Variants in CPSF4L observed in about 807,000 individuals in gnomAD.
The protein encoded by CPSF4L is putative cleavage and polyadenylation specificity factor subunit 4-like protein.
CPSF4L carries 18 observed loss-of-function variants against 24.0 expected under a neutral mutation model. The ratio of observed to expected loss-of-function variants is 0.75; its 90% CI spans 0.52 to 1.11. The LOEUF (loss-of-function observed/expected upper bound fraction) is 1.11, where lower values mean the gene tolerates loss of function less well. CPSF4L is among the 50% of genes least tolerant of loss of function. CPSF4L has a pLI of 0.00. For missense variants in CPSF4L, 211 were observed against 221.8 expected (o/e 0.95, Z 0.31); for synonymous variants, 72 against 77.2 (o/e 0.93, Z 0.35).
intron 3 of CPSF4L, among the ~76,000 whole-genome samples, chr17:73,257,216 A>G (rs1014069532): frequency 1.3e-5 from 2 of 152,168 alleles, no homozygotes; most frequent in Admixed American, 6.6e-5. Context: ...GAAACAATGC[A>G]AAGTTTCTTC....
At chr17:73,251,240 T>A in intron 5 of CPSF4L, 1 of 1,087,464 alleles carries the variant, frequency 9.2e-7, no homozygotes, top group African/African-American at 1.6e-5. Flanking sequence ...GTTACAGTTT[T>A]AAGTGCCAAA....
chr17:73,246,947 C>T (rs1249096412), downstream of CPSF4L, among the ~76,000 whole-genome samples: 1 of 152,164 alleles, frequency 6.6e-6, no homozygotes, highest in East Asian at 1.9e-4. Flanking sequence ...TGTCCTTACT[C>T]AAGACCAGAA....
chr17:73,255,538 A>G (rs2062021907), intron 3 of CPSF4L, among the ~76,000 whole-genome samples: 1 of 147,880 alleles, frequency 6.8e-6, no homozygotes, highest in Non-Finnish European at 1.5e-5. Flanking sequence ...AAAAAAGGAG[A>G]GTACCCCTGA....
chr17:73,252,836 G>C (rs1377085097), intron 4 of CPSF4L, 113 bp from the exon 5 acceptor site: 1 of 640,176 alleles, frequency 1.6e-6, no homozygotes, highest in Non-Finnish European at 2.7e-6. Context: ...TCACTTAATA[G>C]GGGTGGATAA....
At chr17:73,258,157 C>T (rs1008476308) in intron 2 of CPSF4L, among the ~76,000 whole-genome samples, 1 of 151,982 alleles carries the variant, frequency 6.6e-6, no homozygotes, top group Admixed American at 6.6e-5. Context: ...CTACAGGCGC[C>T]AGCCACCACG....
At chr17:73,253,157 C>G (rs780670411) in intron 4 of CPSF4L, among the ~76,000 whole-genome samples, 3 of 152,048 alleles carry the variant, frequency 2.0e-5, no homozygotes, top group Non-Finnish European at 2.9e-5. Flanking sequence ...CCCAGGAGTT[C>G]GAGACCAGCC....
At chr17:73,245,064 T>TA, downstream of CPSF4L, 1 of 1,120,676 alleles carries the variant, frequency 8.9e-7, no homozygotes, top group Admixed American at 2.2e-5. Context: ...ACTCTATTTC[T>TA]AAACTTATAA....
downstream of CPSF4L, among the ~76,000 whole-genome samples, chr17:73,246,367 C>CAAA (rs375109385): frequency 2.0e-5 from 3 of 149,354 alleles, no homozygotes; most frequent in African/African-American, 7.4e-5. Context: ...TCCATCTCTA[C>CAAA]AAAAAAAAAA....
intron 5 of CPSF4L, among the ~76,000 whole-genome samples, chr17:73,252,120 T>C (rs966366897): frequency 1.3e-5 from 2 of 152,164 alleles, no homozygotes; most frequent in Non-Finnish European, 2.9e-5. Context: ...AATAAAGGGA[T>C]GAGGGATGAC....
At chr17:73,248,732 G>A (rs2061986546) in intron 5 of CPSF4L, 196 bp from the exon 6 acceptor site, 1 of 622,294 alleles carries the variant, frequency 1.6e-6, no homozygotes, top group Non-Finnish European at 2.9e-6. Flanking sequence ...ACTCACACGT[G>A]GTCTGTGTAA....
intron 4 of CPSF4L, 41 bp downstream of exon 4, chr17:73,253,890 T>TC: frequency 7.1e-7 from 1 of 1,409,084 alleles, no homozygotes; most frequent in Non-Finnish European, 9.8e-7. Flanking sequence ...CCCACCCTGA[T>TC]CCCCACAGCC....
At chr17:73,245,268 G>T (rs2061933622), downstream of CPSF4L, 1 of 1,543,226 alleles carries the variant, frequency 6.5e-7, no homozygotes, top group East Asian at 2.3e-5. Context: ...ATACTTAACA[G>T]TTTAAAAATG....
At position 73,257,853 on chromosome 17, in the gene CPSF4L, T is replaced by C; in HGVS notation, c.155-20A>G. On this transcript the variant is annotated intron_variant, in intron 2 of 5. Transcript: ENST00000344935. ...GTTTCCCTGGAGATGCCAGAGCACCTGGCTGGGAGGCCCCTCATCCACAGC... is the reference window on the plus strand; with the variant it reads ...GTTTCCCTGGAGATGCCAGAGCACCCGGCTGGGAGGCCCCTCATCCACAGC... 1 of 1,550,632 alleles carries C rather than the reference T, an allele frequency of 6.4e-7. No homozygotes were observed. The highest frequency in any genetic ancestry group is 8.7e-7 in the Non-Finnish European group (1 of 1,146,702).
chr17:73,247,365 C>T (rs773002426), downstream of CPSF4L: 1 of 1,611,536 alleles, frequency 6.2e-7, no homozygotes, highest in Non-Finnish European at 8.5e-7. Context: ...GTAGGAGAAG[C>T]CTTCGTGACT....
downstream of CPSF4L, among the ~76,000 whole-genome samples, chr17:73,243,548 CTTT>C (rs111267869): frequency 4.4e-5 from 6 of 135,046 alleles, no homozygotes; most frequent in East Asian, 2.2e-4. Context: ...TTCATGTTGT[CTTT>C]TTTTTTTTTT....
Position 73,252,649 on chromosome 17 carries a change from G to GT in CPSF4L, c.477dup (p.Pro160ThrfsTer?), listed in dbSNP as rs2062010107. The GT allele has an allele frequency of 1.2e-5, 18 of 1,551,060 alleles. No homozygotes were observed. Among genetic ancestry groups the GT allele is most frequent in the Non-Finnish European group, 1.4e-5 (16 of 1,146,422 alleles). ...ACTTACTGAGCAAATTGGCACTTGG[G>GT]TCCCTCGGGGCAGAAGCCAACTAAA... On this transcript the variant is annotated frameshift_variant, in exon 5 of 6. Transcript: ENST00000344935. LOFTEE classifies it low-confidence loss of function (END_TRUNC).
chr17:73,248,777 G>A (rs2061987222), intron 5 of CPSF4L: 1 of 456,878 alleles, frequency 2.2e-6, no homozygotes, highest in East Asian at 3.5e-5. Flanking sequence ...GTTTAATCCT[G>A]AATAATATCT....
At chr17:73,250,894 T>C in intron 5 of CPSF4L, 1 of 1,162,272 alleles carries the variant, frequency 8.6e-7, no homozygotes, top group Non-Finnish European at 1.2e-6. Context: ...AAGGAGTCAT[T>C]CTCCAGCTCC....
At chr17:73,257,569 C>T in intron 3 of CPSF4L, 112 bp downstream of exon 3, 1 of 1,135,052 alleles carries the variant, frequency 8.8e-7, no homozygotes, top group Non-Finnish European at 1.3e-6. Context: ...TCTCTGGCCT[C>T]CAGGGACATG....
Sources: gnomAD v4.1 joint callset for allele counts (sites outside exome capture counted in the v4.1 genomes callset) on GRCh38, gnomAD v4.1.1 for gene constraint, MANE v1.5 for transcripts, NCBI Gene and HGNC (gene_info 2026-07-23, HGNC 2026-07-21) for gene names.